EPB41L4B: variants seen among roughly 807,000 people sequenced by gnomAD.
EPB41L4B encodes band 4.1-like protein 4B.
EPB41L4B carries 30 observed loss-of-function variants against 112.5 expected under a neutral mutation model. That is an observed-to-expected ratio of 0.27 (90% CI 0.20 to 0.36). The LOEUF is 0.36. Among genes scored for constraint, EPB41L4B ranks in the 10% least tolerant of loss-of-function variants. The probability of loss-of-function intolerance (pLI) is 1.00; values close to 1 mark genes in which losing one functional copy is unlikely to be tolerated. For missense variants in EPB41L4B, 1,024 were observed against 1,133.3 expected (o/e 0.90, Z 1.38); for synonymous variants, 408 against 439.7 (o/e 0.93, Z 0.90).
intron 6 of EPB41L4B, among the ~76,000 whole-genome samples, chr9:109,262,617 G>C (rs755471332): frequency 2.0e-5 from 3 of 151,988 alleles, no homozygotes; most frequent in Non-Finnish European, 4.4e-5. Context: ...GTGCATATCC[G>C]GCCAGGCCTG....
chr9:109,310,665 G>A (rs1453555730), intron 1 of EPB41L4B, among the ~76,000 whole-genome samples: 1 of 152,194 alleles, frequency 6.6e-6, no homozygotes, highest in Non-Finnish European at 1.5e-5. Flanking sequence ...AGAGTCCCAG[G>A]GAAGAGGTGT....
At chr9:109,214,285 T>G (rs956649179) in intron 16 of EPB41L4B, among the ~76,000 whole-genome samples, 1 of 152,238 alleles carries the variant, frequency 6.6e-6, no homozygotes, top group African/African-American at 2.4e-5. Context: ...CTACTTTGGA[T>G]TCATTTGCCA....
At chr9:109,269,911 A>G (rs2119092338) in intron 2 of EPB41L4B, among the ~76,000 whole-genome samples, 1 of 152,340 alleles carries the variant, frequency 6.6e-6, no homozygotes, top group South Asian at 2.1e-4. Flanking sequence ...GGAAGGGGAT[A>G]AGGAAACACA....
chr9:109,287,791 G>T (rs1412405624), intron 1 of EPB41L4B, among the ~76,000 whole-genome samples: 1 of 151,950 alleles, frequency 6.6e-6, no homozygotes, highest in Non-Finnish European at 1.5e-5. Context: ...ACTCCACTAT[G>T]GGGTCCCACT....
At chr9:109,231,919 C>T (rs1339988938) in intron 15 of EPB41L4B, among the ~76,000 whole-genome samples, 1 of 145,288 alleles carries the variant, frequency 6.9e-6, no homozygotes, top group Middle Eastern at 3.3e-3. Context: ...TTTTTCTTGC[C>T]TAAAGAAAAA....
rs74466701 is a variant in EPB41L4B at position 109,253,289 on chromosome 9, G to A, written c.1279+152C>T. On this transcript the variant is annotated intron_variant, in intron 12 of 25. Coordinates refer to ENST00000374566, the MANE Select transcript of EPB41L4B (RefSeq NM_019114.5). ...GGGATGGCGGAAGTGGCCAGGTCCCGTTAAAAGAACACCACTGGGATTATT... is the reference window on the plus strand; with the variant it reads ...GGGATGGCGGAAGTGGCCAGGTCCCATTAAAAGAACACCACTGGGATTATT... The A allele has an allele frequency of 1.1e-3, 678 of 596,510 alleles. 7 individuals carry two copies. The highest frequency in any genetic ancestry group is 0.011 in the African/African-American group (560 of 53,044). The allele number at this position is 596,510 out of a possible 1,614,324, so 37.0% of individuals were successfully genotyped here. A position where few individuals can be genotyped will look rare whatever the true frequency, so the allele number is the denominator to read the frequency against.
intron 16 of EPB41L4B, among the ~76,000 whole-genome samples, chr9:109,215,037 C>A (rs1308782420): frequency 6.6e-6 from 1 of 152,088 alleles, no homozygotes; most frequent in Non-Finnish European, 1.5e-5. Flanking sequence ...AAGTGGGTGT[C>A]GAGTTTCCAT....
chr9:109,295,377 C>G lies in EPB41L4B; in HGVS notation c.307-15456G>C, dbSNP rs933187050. Among the ~76,000 whole-genome samples, 27 of 152,148 alleles carry G rather than the reference C, an allele frequency of 1.8e-4. 1 individual carries two copies. The highest frequency in any genetic ancestry group is 1.5e-3 in the Admixed American group (23 of 15,268). ...TACAGGATTGATTTTTGACTTTGAA[C>G]TAAAGCACCATAATCCACAACCCAG... On this transcript the variant is annotated intron_variant, in intron 1 of 25. Transcript: ENST00000374566.
At chr9:109,259,366 G>C (rs117487157) in intron 6 of EPB41L4B, among the ~76,000 whole-genome samples, 1 of 152,196 alleles carries the variant, frequency 6.6e-6, no homozygotes, top group African/African-American at 2.4e-5. Flanking sequence ...TGAATCCCTA[G>C]GTCTGGAACC....
intron 2 of EPB41L4B, among the ~76,000 whole-genome samples, chr9:109,276,901 C>A (rs147916536): frequency 4.8e-4 from 73 of 152,326 alleles, no homozygotes; most frequent in African/African-American, 1.7e-3. Flanking sequence ...TTGCAGCAGA[C>A]ATGCCAACGT....
At chr9:109,316,972 G>A (rs1250356331) in intron 1 of EPB41L4B, among the ~76,000 whole-genome samples, 1 of 152,100 alleles carries the variant, frequency 6.6e-6, no homozygotes, top group Non-Finnish European at 1.5e-5. Flanking sequence ...GGGTGTAGTG[G>A]TGCACAACCG....
At chr9:109,301,148 C>T (rs1836950483) in intron 1 of EPB41L4B, 1 of 152,216 alleles carries the variant, frequency 6.6e-6, no homozygotes, top group South Asian at 2.1e-4. Flanking sequence ...GTCACTTAGC[C>T]CCAACGCCCT....
intron 9 of EPB41L4B, 90 bp downstream of exon 9, chr9:109,256,046 T>C (rs540097812): frequency 7.9e-7 from 1 of 1,270,920 alleles, no homozygotes; most frequent in South Asian, 1.3e-5. Context: ...AATCTGGGTG[T>C]TGCAGATACC....
At chr9:109,299,756 T>C (rs1049743284) in intron 1 of EPB41L4B, among the ~76,000 whole-genome samples, 4 of 139,582 alleles carry the variant, frequency 2.9e-5, no homozygotes, top group African/African-American at 1.1e-4. Context: ...CAAAGTTCCT[T>C]GTGTGCCTCT....
At chr9:109,266,425 ATTAT>A (rs1835403076) in intron 4 of EPB41L4B, among the ~76,000 whole-genome samples, 1 of 152,074 alleles carries the variant, frequency 6.6e-6, no homozygotes, top group African/African-American at 2.4e-5. Context: ...TCTTTAAGGC[ATTAT>A]TTAGGGGTCA....
intron 20 of EPB41L4B, among the ~76,000 whole-genome samples, chr9:109,194,858 C>T (rs1390309400): frequency 1.3e-5 from 2 of 152,130 alleles, no homozygotes; most frequent in African/African-American, 2.4e-5. Flanking sequence ...TTTGCCTATT[C>T]TAGGAACGTC....
chr9:109,279,875 A>C lies in EPB41L4B; in HGVS notation c.353T>G (p.Leu118Trp). Reference sequence around the variant, plus strand: ...AAAGTAATCTGTTTCCACAAGGTCCAAGTGGTACACAATCTGATCAAACAA... The same window carrying C: ...AAAGTAATCTGTTTCCACAAGGTCCCAGTGGTACACAATCTGATCAAACAA... The part of the protein sequence containing the change: ...QDLFDQIVYH[L>W]DLVETDYFGL... Residue 118 changes from leucine (L) to tryptophan (W), a missense_variant, in exon 2 of 26, where the codon TTG becomes TGG. Physicochemically the swap from Leu to Trp is moderately conservative, Grantham distance 61. Transcript: ENST00000374566. 6.2e-7 allele frequency: 1 copy of C among 1,614,208 alleles called. No homozygotes were observed. Among genetic ancestry groups the C allele is most frequent in the Non-Finnish European group, 8.5e-7 (1 of 1,180,024 alleles).
At chr9:109,280,063 AT>A in intron 1 of EPB41L4B, 142 bp from the exon 2 acceptor site, 1 of 606,008 alleles carries the variant, frequency 1.7e-6, no homozygotes, top group African/African-American at 1.9e-5. Flanking sequence ...TAGTTTGATT[AT>A]AAGGGTAATA....
intron 20 of EPB41L4B, among the ~76,000 whole-genome samples, chr9:109,199,016 G>C (rs1478878173): frequency 2.0e-5 from 3 of 151,816 alleles, no homozygotes; most frequent in Non-Finnish European, 4.4e-5. Context: ...TTATCTTTCT[G>C]CTTTGGATTA....
Sources: allele counts gnomAD v4.1 joint callset (sites outside exome capture counted in the v4.1 genomes callset), GRCh38; gene constraint gnomAD v4.1.1; transcripts MANE v1.5; gene names NCBI Gene and HGNC (gene_info 2026-07-23, HGNC 2026-07-21).